Variants in ACACA observed in about 807,000 individuals in gnomAD.
ACACA encodes acetyl-CoA carboxylase 1.
A neutral mutation model predicts 296.1 loss-of-function variants in ACACA; 103 were observed. The ratio of observed to expected loss-of-function variants is 0.35; its 90% confidence interval spans 0.30 to 0.41. The LOEUF (loss-of-function observed/expected upper bound fraction) is 0.41, where lower values mean the gene tolerates loss of function less well. ACACA is among the 10% of genes least tolerant of loss of function. The pLI is 1.00. For missense variants in ACACA, 1,554 were observed against 2,989.7 expected (o/e 0.52, Z 11.20); for synonymous variants, 953 against 1,038.6 (o/e 0.92, Z 1.58).
chr17:37,088,624 C>CCA (rs920142679), intron 55 of ACACA, among the ~76,000 whole-genome samples: 2 of 152,126 alleles, frequency 1.3e-5, no homozygotes, highest in Non-Finnish European at 2.9e-5. Context: ...CAGGAAACCA[C>CCA]CACACACACA....
intron 25 of ACACA, among the ~76,000 whole-genome samples, chr17:37,230,311 G>C (rs2079796543): frequency 6.6e-6 from 1 of 151,390 alleles, no homozygotes; most frequent in South Asian, 2.1e-4. Flanking sequence ...TTGAACCCAG[G>C]AGGCAGAGGT....
chr17:37,152,548 A>G (rs1330212182), intron 43 of ACACA, among the ~76,000 whole-genome samples: 1 of 152,148 alleles, frequency 6.6e-6, no homozygotes, highest in African/African-American at 2.4e-5. Context: ...CTGGAGGGGA[A>G]GGTGGAATGT....
chr17:37,138,813 T>C (rs1451218014), intron 45 of ACACA, among the ~76,000 whole-genome samples: 2 of 152,254 alleles, frequency 1.3e-5, no homozygotes, highest in African/African-American at 2.4e-5. Flanking sequence ...TATTGCATGA[T>C]ATATTTCAAG....
intron 1 of ACACA, among the ~76,000 whole-genome samples, chr17:37,405,583 G>T (rs1353665251): frequency 6.6e-6 from 1 of 151,960 alleles, no homozygotes; most frequent in East Asian, 1.9e-4. Flanking sequence ...ACAGAGTTTC[G>T]CTCTCGTTGC....
chr17:37,321,477 C>T (rs760757504), intron 3 of ACACA, among the ~76,000 whole-genome samples: 5 of 152,034 alleles, frequency 3.3e-5, no homozygotes, highest in African/African-American at 9.7e-5. Flanking sequence ...TGGCCGGGTG[C>T]GGTGGCTCAC....
intron 2 of ACACA, among the ~76,000 whole-genome samples, chr17:37,336,325 G>A (rs926630247): frequency 1.3e-5 from 2 of 152,136 alleles, no homozygotes; most frequent in Non-Finnish European, 2.9e-5. Context: ...CTCCCCAACA[G>A]CAGTTGGGTT....
Position 37,277,013 on chromosome 17 carries a change from A to T in ACACA, c.802+20T>A. 3.7e-6 allele frequency: 6 copies of T among 1,603,296 alleles called. No individual in the cohort carries two copies. Among genetic ancestry groups the T allele is most frequent in the Non-Finnish European group, 5.1e-6 (6 of 1,170,176 alleles). ...GACAGAAAGAAACAGAAAGACGGACAATATGTCAGAACAGCTTACCCATGA... is the reference window on the plus strand; with the variant it reads ...GACAGAAAGAAACAGAAAGACGGACTATATGTCAGAACAGCTTACCCATGA... On this transcript the variant is annotated intron_variant, in intron 7 of 55. Transcript: ENST00000616317.
chr17:37,364,509 G>A (rs1401970421), intron 1 of ACACA, among the ~76,000 whole-genome samples: 10 of 149,920 alleles, frequency 6.7e-5, no homozygotes, highest in Non-Finnish European at 1.2e-4. Context: ...CAGGAGAATC[G>A]CTTGAACCCG....
chr17:37,261,918 A>C (rs1567903071), intron 11 of ACACA, among the ~76,000 whole-genome samples: 1 of 152,064 alleles, frequency 6.6e-6, no homozygotes, highest in Non-Finnish European at 1.5e-5. Flanking sequence ...TACTGGGTAA[A>C]TAACTTGTAT....
intron 1 of ACACA, among the ~76,000 whole-genome samples, chr17:37,349,672 T>G (rs1247674195): frequency 6.6e-6 from 1 of 151,154 alleles, no homozygotes; most frequent in African/African-American, 2.4e-5. Flanking sequence ...TTCTTCTGCC[T>G]CAGCATCCCA....
intron 1 of ACACA, among the ~76,000 whole-genome samples, chr17:37,370,693 A>T (rs1215853550): frequency 6.6e-6 from 1 of 151,292 alleles, no homozygotes; most frequent in African/African-American, 2.4e-5. Flanking sequence ...ATAAATAAAT[A>T]AAAATTAGGC....
intron 50 of ACACA, among the ~76,000 whole-genome samples, chr17:37,117,215 T>C (rs753505175): frequency 1.1e-4 from 17 of 152,318 alleles, no homozygotes; most frequent in Non-Finnish European, 1.9e-4. Context: ...TGGGCAAGAT[T>C]ATCTGTTAGA....
chr17:37,300,524 A>G (rs577675410), intron 3 of ACACA, among the ~76,000 whole-genome samples: 1 of 152,342 alleles, frequency 6.6e-6, no homozygotes, highest in South Asian at 2.1e-4. Context: ...GCTGGATAGA[A>G]ATAGTTAACA....
chr17:37,141,401 C>T (rs1386797612), intron 45 of ACACA: 3 of 327,786 alleles, frequency 9.2e-6, no homozygotes, highest in Non-Finnish European at 1.8e-5. Context: ...CACGGTTCCC[C>T]ATCTCAGGCA....
intron 3 of ACACA, among the ~76,000 whole-genome samples, chr17:37,289,176 C>T (rs773869242): frequency 6.6e-6 from 1 of 151,908 alleles, no homozygotes; most frequent in Middle Eastern, 3.4e-3. Flanking sequence ...GCAGGAGAAT[C>T]GCTTGAACCC....
intron 17 of ACACA, 99 bp downstream of exon 17, chr17:37,248,494 C>T: frequency 1.1e-6 from 1 of 896,816 alleles, no homozygotes; most frequent in Non-Finnish European, 1.9e-6. Context: ...TCACTAATAC[C>T]CCCATCCCTG....
In ACACA at chr17:37,292,877, T is replaced by C. The variant is rs75583786; in HGVS notation, c.339-7907A>G. On this transcript the variant is annotated intron_variant, in intron 3 of 55. Transcript: ENST00000616317. ...AGACTTAGTCTCAAAAAAAAAGAAA[T>C]TGACTCTAGGCAAATGACCAATAAG... Among the ~76,000 whole-genome samples the C allele has an allele frequency of 9.4e-4, 142 of 151,862 alleles. 1 individual carries two copies. The highest frequency in any genetic ancestry group is 3.3e-3 in the African/African-American group (136 of 41,458).
At chr17:37,111,256 A>G (rs540227292) in intron 52 of ACACA, among the ~76,000 whole-genome samples, 1 of 152,126 alleles carries the variant, frequency 6.6e-6, no homozygotes, top group Non-Finnish European at 1.5e-5. Flanking sequence ...CTAGCTAATC[A>G]TTCTCTACAA....
intron 41 of ACACA, among the ~76,000 whole-genome samples, chr17:37,163,322 A>G (rs1359807685): frequency 2.0e-5 from 3 of 151,274 alleles, no homozygotes; most frequent in Non-Finnish European, 4.4e-5. Context: ...TTCCTCCAAG[A>G]TCATAAGCTT....
Sources: allele counts gnomAD v4.1 joint callset (sites outside exome capture counted in the v4.1 genomes callset), GRCh38; gene constraint gnomAD v4.1.1; transcripts MANE v1.5; gene names NCBI Gene and HGNC (gene_info 2026-07-23, HGNC 2026-07-21).